CSMD3: variants seen among roughly 807,000 people sequenced by gnomAD.
The protein encoded by CSMD3 is CUB and sushi domain-containing protein 3.
CSMD3 carries 177 observed loss-of-function variants against 435.2 expected under a neutral mutation model. The ratio of observed to expected loss-of-function variants is 0.41; its 90% CI spans 0.36 to 0.46. CSMD3 has a LOEUF of 0.46. Ranked by LOEUF, CSMD3 falls within the 20% of genes least tolerant of loss-of-function variation. The pLI, the probability that CSMD3 is intolerant of heterozygous loss-of-function variation, is 0.34. For missense variants in CSMD3, 4,265 were observed against 4,504.6 expected, an observed-to-expected ratio of 0.95 and a Z score of 1.52; for synonymous variants, 1,656 against 1,520.5, an observed-to-expected ratio of 1.09 and a Z score of -2.07.
At chr8:112,338,063 A>G (rs1247339180) in intron 42 of CSMD3, among the ~76,000 whole-genome samples, 1 of 152,202 alleles carries the variant, frequency 6.6e-6, no homozygotes, top group East Asian at 1.9e-4. Context: ...ATTCTCTTCC[A>G]GAGAATGCAA....
At chr8:113,182,468 G>A (rs2092434868) in intron 3 of CSMD3, among the ~76,000 whole-genome samples, 1 of 151,114 alleles carries the variant, frequency 6.6e-6, no homozygotes, top group Non-Finnish European at 1.5e-5. Context: ...ACTTTGGAAA[G>A]ACTTGAAATT....
Position 113,436,798 on chromosome 8 carries a change from A to G in CSMD3, c.57T>C (p.Pro19=), listed in dbSNP as rs2130156702. 1.9e-6 allele frequency: 3 copies of G among 1,614,156 alleles called. No homozygotes were observed. The highest frequency in any genetic ancestry group is 2.5e-6 in the Non-Finnish European group (3 of 1,180,028). ...CACATTTAGCGCATCTTCGCTTGCC[A>G]GGCTCCCAGGGTTTGGATTCCTTTG... ...SRAKESKPWE[P]GKRRCAKCGR... is the part of the protein sequence containing the mutation. Residue 19 remains proline (P), a synonymous_variant, in exon 1 of 71, where the codon CCT becomes CCC. Transcript: ENST00000297405.
chr8:112,909,398 T>G (rs2082346221), intron 10 of CSMD3, among the ~76,000 whole-genome samples: 1 of 151,636 alleles, frequency 6.6e-6, no homozygotes, highest in Non-Finnish European at 1.5e-5. Context: ...AGTGTAAAAT[T>G]TTAAACACAT....
At chr8:113,335,565 G>GTTTTTTTTTTTTTTTTTTTTT in intron 1 of CSMD3, among the ~76,000 whole-genome samples, 1 of 98,130 alleles carries the variant, frequency 1.0e-5, no homozygotes, top group South Asian at 3.6e-4. Flanking sequence ...TTTTTTTTGG[G>GTTTTTTTTTTTTTTTTTTTTT]TATTTACATG....
chr8:112,463,286 C>A (rs992717998), intron 32 of CSMD3, among the ~76,000 whole-genome samples: 6 of 152,158 alleles, frequency 3.9e-5, no homozygotes, highest in Admixed American at 1.3e-4. Context: ...CACTTGAACC[C>A]AAGAGGCAGA....
At chr8:112,603,498 T>C (rs974345054) in intron 22 of CSMD3, among the ~76,000 whole-genome samples, 2 of 152,230 alleles carry the variant, frequency 1.3e-5, no homozygotes, top group African/African-American at 4.8e-5. Context: ...GTTAATTTTG[T>C]GCAGTTGTGA....
intron 50 of CSMD3, among the ~76,000 whole-genome samples, chr8:112,308,715 G>T (rs1821676762): frequency 6.6e-6 from 1 of 151,974 alleles, no homozygotes; most frequent in African/African-American, 2.4e-5. Flanking sequence ...CAATAGTTAT[G>T]TGATGAGAAC....
intron 4 of CSMD3, among the ~76,000 whole-genome samples, chr8:113,107,594 T>C (rs527288928): frequency 4.3e-4 from 65 of 152,310 alleles, no homozygotes; most frequent in African/African-American, 1.4e-3. Context: ...CCATGTTTCA[T>C]TGTGGATGTG....
intron 32 of CSMD3, among the ~76,000 whole-genome samples, chr8:112,410,909 C>A (rs1265408745): frequency 6.7e-6 from 1 of 150,184 alleles, no homozygotes; most frequent in East Asian, 2.0e-4. Flanking sequence ...AAGCACACTG[C>A]CCAAAAAGGC....
intron 3 of CSMD3, among the ~76,000 whole-genome samples, chr8:113,226,160 T>A: frequency 6.6e-6 from 1 of 151,532 alleles, no homozygotes; most frequent in South Asian, 2.1e-4. Context: ...CAGTTCTTCG[T>A]AGCAGCGGTG....
chr8:113,000,522 C>T (rs1373047804), intron 6 of CSMD3, among the ~76,000 whole-genome samples: 2 of 151,830 alleles, frequency 1.3e-5, no homozygotes, highest in Non-Finnish European at 2.9e-5. Context: ...GTTAATTAGC[C>T]CGATTTAGTC....
intron 5 of CSMD3, among the ~76,000 whole-genome samples, chr8:113,053,722 C>A (rs2088196281): frequency 6.6e-6 from 1 of 152,062 alleles, no homozygotes; most frequent in African/African-American, 2.4e-5. Flanking sequence ...TATTGTAGAA[C>A]TTTATACATC....
intron 1 of CSMD3, among the ~76,000 whole-genome samples, chr8:113,332,741 T>A (rs150930152): frequency 1.3e-5 from 2 of 151,858 alleles, no homozygotes; most frequent in African/African-American, 4.8e-5. Context: ...CAAAATCGAA[T>A]GTGGCTATTT....
chr8:112,321,475 C>A (rs1822990995), intron 45 of CSMD3, among the ~76,000 whole-genome samples: 1 of 152,032 alleles, frequency 6.6e-6, no homozygotes, highest in South Asian at 2.1e-4. Flanking sequence ...GAAGAGTGAT[C>A]CTGGGGAGAA....
chr8:113,189,489 G>C (rs769786854), intron 3 of CSMD3, among the ~76,000 whole-genome samples: 49 of 151,754 alleles, frequency 3.2e-4, no homozygotes, highest in Non-Finnish European at 1.9e-4. Context: ...ATGAATTTAA[G>C]TGAGAATTAA....
At chr8:112,979,886 T>C (rs1443298402) in intron 6 of CSMD3, among the ~76,000 whole-genome samples, 1 of 151,152 alleles carries the variant, frequency 6.6e-6, no homozygotes, top group Non-Finnish European at 1.5e-5. Flanking sequence ...TTAATAATGC[T>C]ATTTAACAAA....
intron 31 of CSMD3, among the ~76,000 whole-genome samples, chr8:112,481,245 G>T (rs1177948569): frequency 6.6e-6 from 1 of 152,118 alleles, no homozygotes; most frequent in Non-Finnish European, 1.5e-5. Context: ...AAGAAAAGAA[G>T]AAACTTATCA....
intron 32 of CSMD3, among the ~76,000 whole-genome samples, chr8:112,449,252 C>A (rs1026309225): frequency 6.6e-6 from 1 of 152,056 alleles, no homozygotes; most frequent in Non-Finnish European, 1.5e-5. Context: ...TGAGGTAATT[C>A]ATGAGAAAGG....
Position 113,314,583 on chromosome 8 carries a change from T to C in CSMD3, c.389A>G (p.Asn130Ser), listed in dbSNP as rs2132669167. The C allele has an allele frequency of 6.3e-7, 1 of 1,590,776 alleles. No individual in the cohort carries two copies. The highest frequency in any genetic ancestry group is 2.2e-5 in the East Asian group (1 of 44,634). ...AAAACACACTAACCTTGTCCTAAAG[T>C]TTGTAGGATGAGGATGTCCATCATA... The part of the protein sequence containing the change: ...SLYDGHPHPT[N>S]FRTRLTGFHL... Residue 130 changes from asparagine to serine, a missense_variant, in exon 2 of 71, where the codon AAC (asparagine) becomes AGC (serine). Physicochemically the swap from Asn to Ser is conservative, Grantham distance 46. This residue lies in a region of CSMD3 where 731 missense variants were observed against 755.4 expected (regional missense o/e 0.97). Coordinates refer to ENST00000297405, the MANE Select transcript of CSMD3 (RefSeq NM_198123.2).
Sources: gnomAD v4.1 joint callset for allele counts (sites outside exome capture counted in the v4.1 genomes callset) on GRCh38, gnomAD v4.1.1 for gene constraint, gnomAD v4.1.1 regional missense constraint, MANE v1.5 for transcripts, NCBI Gene and HGNC (gene_info 2026-07-23, HGNC 2026-07-21) for gene names.